Variants in ADARB2 observed in about 807,000 individuals in gnomAD.
The protein encoded by ADARB2 is inactive double-stranded RNA-specific editase B2.
A neutral mutation model predicts 62.2 loss-of-function variants in ADARB2; 25 were observed. The ratio of observed to expected loss-of-function variants is 0.40; its 90% confidence interval spans 0.29 to 0.56. The LOEUF (loss-of-function observed/expected upper bound fraction) is 0.56. ADARB2 is among the 20% of genes least tolerant of loss of function. The probability of loss-of-function intolerance (pLI) is 0.43; values close to 1 mark genes in which losing one functional copy is unlikely to be tolerated. For synonymous variants in ADARB2, 572 were observed against 500.8 expected, an observed-to-expected ratio of 1.14 and a Z score of -1.90; for missense variants, 1,071 against 1,077.4, an observed-to-expected ratio of 0.99 and a Z score of 0.08.
Position 1,200,059 on chromosome 10 carries a change from G to T in ADARB2, c.1771C>A (p.His591Asn). 2 of 1,590,146 alleles carry T rather than the reference G, an allele frequency of 1.3e-6. No homozygotes were observed. The highest frequency in any genetic ancestry group is 1.7e-6 in the Non-Finnish European group (2 of 1,171,700). ...ATGACGCGTGCGAGGTGGCCCGTGTGGTGCAGGCTGCCCACCACGATGCTC... is the reference window on the plus strand; with the variant it reads ...ATGACGCGTGCGAGGTGGCCCGTGTTGTGCAGGCTGCCCACCACGATGCTC... ...LQSIVVGSLH[H>N]TGHLARVMSH... Residue 591 changes from histidine (H) to asparagine (N), a missense_variant, in exon 8 of 10, where the codon CAC (histidine) becomes AAC (asparagine). Coordinates refer to ENST00000381312, the MANE Select transcript of ADARB2 (RefSeq NM_018702.4).
At chr10:1,299,203 C>T (rs917406706) in intron 3 of ADARB2, among the ~76,000 whole-genome samples, 8 of 151,956 alleles carry the variant, frequency 5.3e-5, no homozygotes, top group African/African-American at 1.7e-4. Context: ...TCTGGGGAGT[C>T]ACGAAGGGGC....
intron 3 of ADARB2, among the ~76,000 whole-genome samples, chr10:1,351,070 G>A (rs2131844001): frequency 6.6e-6 from 1 of 152,198 alleles, no homozygotes; most frequent in Admixed American, 6.5e-5. Flanking sequence ...CGCAACCCAG[G>A]ATTCCTCCTA....
intron 1 of ADARB2, among the ~76,000 whole-genome samples, chr10:1,505,082 A>T (rs565933875): frequency 6.6e-6 from 1 of 151,616 alleles, no homozygotes; most frequent in South Asian, 2.1e-4. Flanking sequence ...ACGGATGCAC[A>T]CAGGACACAC....
At position 1,370,033 on chromosome 10, in the gene ADARB2, G is replaced by C. The variant is rs548874044; in HGVS notation, c.188-6116C>G. The stretch of plus-strand genomic sequence containing the variant: ...GGAGACAGTGCGTGTAACAGTTTTA[G>C]CATTCTCTGTCAAATGTTGCAGACA... On this transcript the variant is annotated intron_variant, in intron 2 of 9. Transcript: ENST00000381312. Among the ~76,000 whole-genome samples the C allele has an allele frequency of 3.9e-5, 6 of 152,292 alleles. No homozygotes were observed. In the East Asian group the frequency reaches 9.6e-4, roughly 24 times the overall value.
At chr10:1,631,055 G>C (rs1833836626) in intron 1 of ADARB2, among the ~76,000 whole-genome samples, 1 of 152,152 alleles carries the variant, frequency 6.6e-6, no homozygotes, top group South Asian at 2.1e-4. Flanking sequence ...TCTCAGTAGA[G>C]CCACCACCCG....
intron 5 of ADARB2, among the ~76,000 whole-genome samples, chr10:1,234,129 C>T (rs1017729988): frequency 5.3e-5 from 8 of 151,976 alleles, no homozygotes; most frequent in Non-Finnish European, 1.2e-4. Context: ...GCTGGGATTA[C>T]AGGCATGCGC....
chr10:1,449,371 G>GC (rs1245199463), intron 1 of ADARB2, among the ~76,000 whole-genome samples: 1 of 152,114 alleles, frequency 6.6e-6, no homozygotes, highest in African/African-American at 2.4e-5. Flanking sequence ...TCATTCAGCT[G>GC]CCCCCTCCAC....
chr10:1,666,564 A>G (rs1834318828), intron 1 of ADARB2, among the ~76,000 whole-genome samples: 2 of 152,176 alleles, frequency 1.3e-5, no homozygotes, highest in Admixed American at 1.3e-4. Flanking sequence ...GGTCTGCCGC[A>G]TCTGGGGTAT....
At chr10:1,446,104 T>G (rs1264755840) in intron 1 of ADARB2, among the ~76,000 whole-genome samples, 1 of 152,214 alleles carries the variant, frequency 6.6e-6, no homozygotes, top group East Asian at 1.9e-4. Flanking sequence ...AGTTAATGCT[T>G]TGCGTTGTCA....
intron 1 of ADARB2, among the ~76,000 whole-genome samples, chr10:1,389,779 ATAAATAAT>A (rs1237327705): frequency 2.0e-5 from 3 of 146,422 alleles, no homozygotes; most frequent in Admixed American, 1.4e-4. Context: ...AAATAAATAA[ATAAATAAT>A]AAATAAAAAA....
At chr10:1,379,858 G>C (rs140505338) in intron 1 of ADARB2, among the ~76,000 whole-genome samples, 1 of 152,302 alleles carries the variant, frequency 6.6e-6, no homozygotes, top group East Asian at 1.9e-4. Context: ...GCACAGCTGT[G>C]GAAATAGATC....
At chr10:1,676,697 G>A (rs984090349) in intron 1 of ADARB2, among the ~76,000 whole-genome samples, 6 of 152,192 alleles carry the variant, frequency 3.9e-5, no homozygotes, top group Admixed American at 2.0e-4. Context: ...TAATGGGAAT[G>A]AAAGAAGAGG....
chr10:1,341,915 C>T (rs1832033408), intron 3 of ADARB2, among the ~76,000 whole-genome samples: 1 of 152,276 alleles, frequency 6.6e-6, no homozygotes, highest in Admixed American at 6.5e-5. Flanking sequence ...CGATTTCCTT[C>T]AGGCGGAATG....
chr10:1,401,643 C>A (rs1383383814), intron 1 of ADARB2, among the ~76,000 whole-genome samples: 1 of 152,226 alleles, frequency 6.6e-6, no homozygotes, highest in Non-Finnish European at 1.5e-5. Context: ...ACTGTGTATC[C>A]CGTGTCCCCA....
chr10:1,353,600 C>T (rs1284652725), intron 3 of ADARB2, among the ~76,000 whole-genome samples: 1 of 152,194 alleles, frequency 6.6e-6, no homozygotes, highest in African/African-American at 2.4e-5. Context: ...CAACTCTACT[C>T]CGCCCATATT....
At chr10:1,423,627 G>A (rs1417327411) in intron 1 of ADARB2, among the ~76,000 whole-genome samples, 3 of 152,136 alleles carry the variant, frequency 2.0e-5, no homozygotes, top group Non-Finnish European at 4.4e-5. Flanking sequence ...TATGCAGTAG[G>A]TCCACTATGT....
At chr10:1,437,861 A>G (rs955001874) in intron 1 of ADARB2, among the ~76,000 whole-genome samples, 1 of 152,142 alleles carries the variant, frequency 6.6e-6, no homozygotes, top group African/African-American at 2.4e-5. Flanking sequence ...GGCAGATGGA[A>G]TAAACAGGAG....
chr10:1,693,431 C>G (rs1004554010), intron 1 of ADARB2, among the ~76,000 whole-genome samples: 1 of 152,136 alleles, frequency 6.6e-6, no homozygotes, highest in Non-Finnish European at 1.5e-5. Context: ...TCTCCTCTCT[C>G]GTTTTTGTCA....
chr10:1,574,281 T>C (rs1174836769), intron 1 of ADARB2, among the ~76,000 whole-genome samples: 1 of 152,190 alleles, frequency 6.6e-6, no homozygotes, highest in Non-Finnish European at 1.5e-5. Context: ...GAGTCGAACC[T>C]GCATAGATGA....
Sources: allele counts gnomAD v4.1 joint callset (sites outside exome capture counted in the v4.1 genomes callset), GRCh38; gene constraint gnomAD v4.1.1; transcripts MANE v1.5; gene names NCBI Gene and HGNC (gene_info 2026-07-23, HGNC 2026-07-21).